Variants in ROR1 observed in about 807,000 individuals in gnomAD.
ROR1 encodes ROR family WNT receptor 1.
Under a neutral mutation model 78.8 loss-of-function variants are expected in ROR1, and 19 were observed. That is an observed-to-expected ratio of 0.24 (90% CI 0.17 to 0.35). The LOEUF (loss-of-function observed/expected upper bound fraction) is 0.35. Among genes scored for constraint, ROR1 ranks in the 10% least tolerant of loss-of-function variants. The probability of loss-of-function intolerance (pLI) is 1.00; values close to 1 mark genes in which losing one functional copy is unlikely to be tolerated. For missense variants in ROR1, 917 were observed against 1,177.8 expected (o/e 0.78, Z 3.24); for synonymous variants, 386 against 433.6 (o/e 0.89, Z 1.36).
Position 63,786,256 on chromosome 1 carries a change from A to ATTTTTTTT in ROR1, c.91+11775_91+11782dup, listed in dbSNP as rs34933492. 5.5e-4 allele frequency among the ~76,000 whole-genome samples: 37 copies of ATTTTTTTT among 67,512 alleles called. 3 individuals carry two copies. The highest frequency in any genetic ancestry group is 7.6e-4 in the Non-Finnish European group (27 of 35,310). 44.3% of individuals were successfully genotyped at this position (67,512 alleles called of 152,430 possible). ...CCCCCCTTACGCTGGCTACAACTTG[A>ATTTTTTTT]TTTTTTTTTTTTTTTTTTTTTTTTT... On this transcript the variant is annotated intron_variant, in intron 1 of 8. Coordinates refer to ENST00000371079, the MANE Select transcript of ROR1 (RefSeq NM_005012.4).
chr1:63,896,469 T>G (rs1169388881), intron 1 of ROR1, among the ~76,000 whole-genome samples: 2 of 152,186 alleles, frequency 1.3e-5, no homozygotes, highest in African/African-American at 4.8e-5. Context: ...TCCATAACAC[T>G]TGGTAGACAC....
intron 4 of ROR1, among the ~76,000 whole-genome samples, chr1:64,051,548 A>T (rs1401025618): frequency 2.0e-5 from 3 of 152,112 alleles, no homozygotes; most frequent in Non-Finnish European, 2.9e-5. Flanking sequence ...CCAAGCTTGG[A>T]CTGAGAGTTG....
intron 1 of ROR1, among the ~76,000 whole-genome samples, chr1:63,851,130 C>T (rs1251223407): frequency 6.6e-6 from 1 of 152,138 alleles, no homozygotes; most frequent in African/African-American, 2.4e-5. Flanking sequence ...TAGGCGTGTG[C>T]CACCACGCCC....
chr1:64,040,131 T>C (rs1167772586), intron 2 of ROR1, among the ~76,000 whole-genome samples: 1 of 152,208 alleles, frequency 6.6e-6, no homozygotes, highest in African/African-American at 2.4e-5. Flanking sequence ...GGACTATAGA[T>C]TTACTTATCA....
At chr1:63,904,981 C>G (rs950750789) in intron 1 of ROR1, among the ~76,000 whole-genome samples, 5 of 152,126 alleles carry the variant, frequency 3.3e-5, no homozygotes, top group Non-Finnish European at 7.4e-5. Context: ...CACACCCAGG[C>G]TGGTGTCTTA....
intron 1 of ROR1, among the ~76,000 whole-genome samples, chr1:63,777,109 C>G (rs549125686): frequency 2.0e-5 from 3 of 152,304 alleles, no homozygotes; most frequent in East Asian, 3.9e-4. Context: ...CATCTACCCC[C>G]TCCCTATGCA....
Position 64,161,024 on chromosome 1 carries a change from T to C in ROR1, c.1386+1832T>C, listed in dbSNP as rs189570079. On this transcript the variant is annotated intron_variant, in intron 8 of 8. Transcript: ENST00000371079. ...GAATTACATTTTTAGTGGAGGTTTG[T>C]TTTATATCACATGATCTCCAACAGA... 2.6e-5 allele frequency among the ~76,000 whole-genome samples: 4 copies of C among 152,370 alleles called. No individual in the cohort carries two copies. The East Asian group carries it at 7.7e-4, about 29-fold the overall frequency.
chr1:63,911,569 C>T (rs78854640), intron 1 of ROR1, among the ~76,000 whole-genome samples: 3,896 of 152,050 alleles, frequency 0.026, 174 homozygotes, highest in African/African-American at 0.089. Context: ...GAATAGATCC[C>T]GAAACCATCC....
In ROR1 at chr1:63,835,121, T is replaced by A. The variant is rs540031469; in HGVS notation, c.91+60613T>A. On this transcript the variant is annotated intron_variant, in intron 1 of 8. Coordinates refer to ENST00000371079, the MANE Select transcript of ROR1 (RefSeq NM_005012.4). ...TCCCTTCTTTCTTAACCTCCCATAATGGAAAAAGCACAGGTTCCAGAAGCC... is the reference window on the plus strand; with the variant it reads ...TCCCTTCTTTCTTAACCTCCCATAAAGGAAAAAGCACAGGTTCCAGAAGCC... Among the ~76,000 whole-genome samples, 3 of 152,152 alleles carry A rather than the reference T, an allele frequency of 2.0e-5. No individual in the cohort carries two copies. In the East Asian group the frequency reaches 5.8e-4, roughly 29 times the overall value.
intron 8 of ROR1, among the ~76,000 whole-genome samples, chr1:64,164,591 A>C (rs942782830): frequency 6.6e-6 from 1 of 152,184 alleles, no homozygotes; most frequent in African/African-American, 2.4e-5. Context: ...TGATGAGTAC[A>C]GATCTTTTTT....
intron 1 of ROR1, among the ~76,000 whole-genome samples, chr1:63,805,683 T>C (rs1644824218): frequency 1.3e-5 from 2 of 152,172 alleles, no homozygotes; most frequent in Non-Finnish European, 2.9e-5. Context: ...TGACTGTCCA[T>C]TTATCCACTT....
At chr1:63,822,252 A>G (rs1644927799) in intron 1 of ROR1, among the ~76,000 whole-genome samples, 1 of 152,160 alleles carries the variant, frequency 6.6e-6, no homozygotes, top group African/African-American at 2.4e-5. Context: ...AGTGTCTGGC[A>G]CATAGTGGAT....
intron 1 of ROR1, among the ~76,000 whole-genome samples, chr1:63,878,452 T>C (rs1336589329): frequency 1.3e-5 from 2 of 152,062 alleles, no homozygotes. Flanking sequence ...GTACATTTTC[T>C]CTGTCCCCTT....
chr1:63,896,317 G>A (rs1645439230), intron 1 of ROR1, among the ~76,000 whole-genome samples: 1 of 152,080 alleles, frequency 6.6e-6, no homozygotes, highest in African/African-American at 2.4e-5. Flanking sequence ...TGAGGATTTT[G>A]CTTGGATTCT....
chr1:64,064,816 TA>T (rs1225266626), intron 4 of ROR1, among the ~76,000 whole-genome samples: 1 of 152,124 alleles, frequency 6.6e-6, no homozygotes, highest in East Asian at 1.9e-4. Flanking sequence ...CAAGAGAAAC[TA>T]AAAAGGAACA....
chr1:63,863,458 C>T (rs1645193956), intron 1 of ROR1, among the ~76,000 whole-genome samples: 1 of 152,130 alleles, frequency 6.6e-6, no homozygotes, highest in Admixed American at 6.6e-5. Context: ...CTCAGGTTTC[C>T]CAGCTGCACA....
intron 1 of ROR1, among the ~76,000 whole-genome samples, chr1:63,973,989 C>A (rs989605444): frequency 1.3e-5 from 2 of 152,046 alleles, no homozygotes; most frequent in Non-Finnish European, 2.9e-5. Context: ...ACATATAAAA[C>A]TCATATGTGT....
chr1:63,775,647 G>A (rs2100213064), intron 1 of ROR1, among the ~76,000 whole-genome samples: 1 of 152,320 alleles, frequency 6.6e-6, no homozygotes, highest in East Asian at 1.9e-4. Context: ...GGAAAAAGAT[G>A]TATTCACTAC....
Position 63,988,878 on chromosome 1 carries a change from T to C in ROR1, c.92-20427T>C, listed in dbSNP as rs535360236. 1.1e-4 allele frequency among the ~76,000 whole-genome samples: 17 copies of C among 152,332 alleles called. No homozygotes were observed. The East Asian group carries it at 3.3e-3, about 29-fold the overall frequency. ...GCACATGCACATTTTGTTTATCCAT[T>C]CATCTGTCAATATACATTTGGGTTG... On this transcript the variant is annotated intron_variant, in intron 1 of 8. Coordinates refer to ENST00000371079, the MANE Select transcript of ROR1 (RefSeq NM_005012.4).
Sources: allele counts gnomAD v4.1 joint callset (sites outside exome capture counted in the v4.1 genomes callset), GRCh38; gene constraint gnomAD v4.1.1; transcripts MANE v1.5; gene names NCBI Gene and HGNC (gene_info 2026-07-23, HGNC 2026-07-21).